B4GALT6: variants seen among roughly 807,000 people sequenced by gnomAD.
The protein encoded by B4GALT6 is UDP-Gal:beta-GlcNAc beta-1,4-galactosyltransferase 6.
A neutral mutation model predicts 46.3 loss-of-function variants in B4GALT6; 14 were observed. That is an observed-to-expected ratio of 0.30 (90% CI 0.20 to 0.47). B4GALT6 has a LOEUF of 0.47. B4GALT6 is among the 20% of genes least tolerant of loss of function. The pLI is 0.99. For synonymous variants in B4GALT6, 168 were observed against 162.0 expected (o/e 1.04, Z -0.28); for missense variants, 386 against 480.1 (o/e 0.80, Z 1.83).
intron 3 of B4GALT6, among the ~76,000 whole-genome samples, chr18:31,654,840 T>C (rs772869112): frequency 1.2e-4 from 19 of 152,236 alleles, no homozygotes; most frequent in Non-Finnish European, 2.5e-4. Context: ...TTTATACTTA[T>C]GTATTTTATT....
rs750560235 is a variant in B4GALT6 at position 31,625,710 on chromosome 18, G to C, written c.1053C>G (p.Asn351Lys). 4.0e-5 allele frequency: 64 copies of C among 1,612,668 alleles called. No homozygotes were observed. Among genetic ancestry groups the C allele is most frequent in the Non-Finnish European group, 5.3e-5 (63 of 1,179,466 alleles). Residue 351 changes from asparagine (N) to lysine (K), a missense_variant, in exon 9 of 9, where the codon AAC (asparagine) becomes AAG (lysine). This residue lies in a region of B4GALT6 where 323 missense variants were observed against 438.9 expected (regional missense o/e 0.74). Coordinates refer to ENST00000306851, the MANE Select transcript of B4GALT6 (RefSeq NM_004775.5). ...SKERQYIDGL[N>K]NLIYRPKILV... ...GTATTTTTGGCCTATATATTAAATTGTTCAGTCCATCGATGTACTGACGCT... is the reference window on the plus strand; with the variant it reads ...GTATTTTTGGCCTATATATTAAATTCTTCAGTCCATCGATGTACTGACGCT...
Position 31,623,652 on chromosome 18 carries a change from T to C in B4GALT6, c.*1962A>G, listed in dbSNP as rs2073647305. On this transcript the variant is annotated 3_prime_UTR_variant, in exon 9 of 9. Coordinates refer to ENST00000306851, the MANE Select transcript of B4GALT6 (RefSeq NM_004775.5). ...ATCATAATTTTCAGAAGGTTTGATT[T>C]TTCGAGTACCATAAAAAAACTGAAA... The C allele has an allele frequency of 6.6e-6, 1 of 152,356 alleles. No individual in the cohort carries two copies. Among genetic ancestry groups the C allele is most frequent in the Non-Finnish European group, 1.5e-5 (1 of 67,850 alleles). The allele number at this position is 152,356 out of a possible 1,614,324, so 9.4% of individuals were successfully genotyped here. A position where few individuals can be genotyped will look rare whatever the true frequency, so the allele number is the denominator to read the frequency against.
intron 6 of B4GALT6, among the ~76,000 whole-genome samples, chr18:31,629,173 TACTC>T (rs1265080199): frequency 5.9e-5 from 9 of 152,208 alleles, no homozygotes; most frequent in Non-Finnish European, 1.3e-4. Flanking sequence ...AAATATGTGT[TACTC>T]AATTGTTTAT....
chr18:31,694,253 T>C, the B4GALT6 span, among the ~76,000 whole-genome samples: 1 of 152,244 alleles, frequency 6.6e-6, no homozygotes, highest in South Asian at 2.1e-4. Flanking sequence ...TATCTATAAA[T>C]AAATGAAGTC....
intron 3 of B4GALT6, among the ~76,000 whole-genome samples, chr18:31,654,269 A>G (rs1446681344): frequency 6.6e-6 from 1 of 152,192 alleles, no homozygotes; most frequent in Non-Finnish European, 1.5e-5. Context: ...TTCCATTTCT[A>G]CCTCACCCAT....
intron 2 of B4GALT6, among the ~76,000 whole-genome samples, chr18:31,663,993 C>T (rs1332204859): frequency 6.6e-6 from 1 of 152,188 alleles, no homozygotes; most frequent in Non-Finnish European, 1.5e-5. Context: ...ATACTCTGGT[C>T]AAGACTATAT....
chr18:31,695,481 TC>T, the B4GALT6 span, among the ~76,000 whole-genome samples: 1 of 151,938 alleles, frequency 6.6e-6, no homozygotes, highest in African/African-American at 2.4e-5. Context: ...AGCCACTGCC[TC>T]CTGTAGGAGA....
the B4GALT6 span, among the ~76,000 whole-genome samples, chr18:31,691,292 CAT>C: frequency 3.2e-3 from 371 of 116,510 alleles, 1 homozygote; most frequent in African/African-American, 5.5e-3. Flanking sequence ...CATAATTTTA[CAT>C]ATATATATAT....
chr18:31,629,353 A>G (rs1408752465), intron 6 of B4GALT6, among the ~76,000 whole-genome samples: 2 of 147,650 alleles, frequency 1.4e-5, no homozygotes, highest in Non-Finnish European at 3.0e-5. Context: ...AGAAATTGAT[A>G]TTTTCAAGTT....
At chr18:31,708,073 A>G in the B4GALT6 span, among the ~76,000 whole-genome samples, 1 of 152,176 alleles carries the variant, frequency 6.6e-6, no homozygotes, top group African/African-American at 2.4e-5. Flanking sequence ...AGCAGACTTC[A>G]GTATGCATTA....
In B4GALT6 at chr18:31,638,760, C is replaced by T; in HGVS notation, c.472G>A (p.Val158Met). The change falls in exon 5 of 9, where the codon GTG becomes ATG. Residue 158 changes from valine (V) to methionine (M), a missense_variant and splice_region_variant. Val to Met is a conservative substitution (Grantham distance 21). Around this residue, in one of 2 missense-constraint regions of B4GALT6, gnomAD observed 323 missense variants for 438.9 expected, o/e 0.74. Transcript: ENST00000306851. The part of the protein sequence containing the change: ...RPKDCKPRWK[V>M]AVLIPFRNRH... ...TTACGGAAAGGAATGAGAACTGCCA[C>T]CTTTAAAACAAAATAGTCATGTATG... 2 of 1,601,716 alleles carry T rather than the reference C, an allele frequency of 1.2e-6. No individual in the cohort carries two copies. The highest frequency in any genetic ancestry group is 1.7e-6 in the Non-Finnish European group (2 of 1,168,846).
intron 4 of B4GALT6, among the ~76,000 whole-genome samples, chr18:31,639,322 A>G (rs1567963066): frequency 2.6e-5 from 4 of 152,198 alleles, no homozygotes; most frequent in Non-Finnish European, 5.9e-5. Context: ...CTAAATAATA[A>G]CTTCCTGGAT....
rs761277184 is a variant in B4GALT6 at position 31,638,638 on chromosome 18, T to A, written c.588+6A>T. The A allele has an allele frequency of 2.5e-6, 4 of 1,590,352 alleles. No individual in the cohort carries two copies. The Admixed American group carries it at 6.7e-5, about 27-fold the overall frequency. ...ACTTAGTGACCACTATGAAAAGTAT[T>A]CTCACCTGTTCAATGACATAAAACG... is the stretch of plus-strand genomic sequence containing the variant. On this transcript the variant is annotated splice_donor_region_variant and intron_variant, in intron 5 of 8. Coordinates refer to ENST00000306851, the MANE Select transcript of B4GALT6 (RefSeq NM_004775.5).
chr18:31,692,472 T>C, the B4GALT6 span, among the ~76,000 whole-genome samples: 1 of 152,218 alleles, frequency 6.6e-6, no homozygotes, highest in East Asian at 1.9e-4. Flanking sequence ...GATTGAGCAA[T>C]TTTCATACAC....
chr18:31,723,787 T>C, the B4GALT6 span, among the ~76,000 whole-genome samples: 1 of 152,164 alleles, frequency 6.6e-6, no homozygotes, highest in Non-Finnish European at 1.5e-5. Context: ...CTGGCGCACA[T>C]TTTGCAGGTC....
chr18:31,717,418 TG>T, the B4GALT6 span, among the ~76,000 whole-genome samples: 1 of 152,174 alleles, frequency 6.6e-6, no homozygotes, highest in Non-Finnish European at 1.5e-5. Flanking sequence ...TATTTTGATT[TG>T]GGTGATGGCG....
At chr18:31,685,063 C>T (rs1467269565), upstream of B4GALT6, among the ~76,000 whole-genome samples, 1 of 145,958 alleles carries the variant, frequency 6.9e-6, no homozygotes, top group African/African-American at 2.5e-5. Context: ...GCTGGGCGCT[C>T]GCCTGCACCG....
At chr18:31,680,398 C>T (rs117064140) in intron 1 of B4GALT6, among the ~76,000 whole-genome samples, 2,887 of 152,294 alleles carry the variant, frequency 0.019, 55 homozygotes, top group Non-Finnish European at 0.028. Flanking sequence ...TACATGCTTG[C>T]ACATAGACCC....
chr18:31,626,051 G>A (rs555768875), intron 8 of B4GALT6, among the ~76,000 whole-genome samples: 12 of 152,014 alleles, frequency 7.9e-5, no homozygotes, highest in East Asian at 1.9e-4. Context: ...ATAGTTAACC[G>A]GGCTCTTTAA....
Sources: gnomAD v4.1 joint callset for allele counts (sites outside exome capture counted in the v4.1 genomes callset) on GRCh38, gnomAD v4.1.1 for gene constraint, gnomAD v4.1.1 regional missense constraint, MANE v1.5 for transcripts, NCBI Gene and HGNC (gene_info 2026-07-23, HGNC 2026-07-21) for gene names.